CFAP299: variants seen among roughly 807,000 people sequenced by gnomAD.
The protein encoded by CFAP299 is cilia and flagella associated protein 299, also known as cilia- and flagella-associated protein 299.
A neutral mutation model predicts 27.0 loss-of-function variants in CFAP299; 21 were observed. The observed-to-expected ratio is 0.78, with a 90% confidence interval of 0.55 to 1.12. The LOEUF is 1.12. CFAP299 is among the 50% of genes most tolerant of loss of function. The pLI is 0.00. For synonymous variants in CFAP299, 104 were observed against 98.1 expected, an observed-to-expected ratio of 1.06 and a Z score of -0.36; for missense variants, 310 against 276.6, an observed-to-expected ratio of 1.12 and a Z score of -0.86.
At chr4:80,375,756 C>G (rs141112564) in intron 2 of CFAP299, among the ~76,000 whole-genome samples, 94 of 152,280 alleles carry the variant, frequency 6.2e-4, no homozygotes, top group African/African-American at 2.2e-3. Context: ...GCTAGAGGGG[C>G]GCCACATTTG....
At chr4:80,620,415 C>A (rs1738523521) in intron 3 of CFAP299, among the ~76,000 whole-genome samples, 1 of 152,142 alleles carries the variant, frequency 6.6e-6, no homozygotes, top group African/African-American at 2.4e-5. Context: ...CCAGACATGG[C>A]ATAGTGATGA....
intron 2 of CFAP299, among the ~76,000 whole-genome samples, chr4:80,374,517 C>T (rs1011957885): frequency 1.3e-5 from 2 of 152,100 alleles, no homozygotes; most frequent in African/African-American, 4.8e-5. Flanking sequence ...TGGGCTACTT[C>T]TTCAGGCTCA....
At chr4:80,600,836 G>C (rs1025467522) in intron 3 of CFAP299, among the ~76,000 whole-genome samples, 4 of 152,114 alleles carry the variant, frequency 2.6e-5, no homozygotes, top group Non-Finnish European at 4.4e-5. Flanking sequence ...TAAATTCATA[G>C]TTGAATTCTG....
At chr4:80,588,908 T>C (rs1736581903) in intron 3 of CFAP299, among the ~76,000 whole-genome samples, 1 of 152,160 alleles carries the variant, frequency 6.6e-6, no homozygotes, top group African/African-American at 2.4e-5. Context: ...GATGAGAATT[T>C]TGAGGCACGA....
chr4:80,641,324 C>G (rs1739716140), intron 3 of CFAP299, among the ~76,000 whole-genome samples: 1 of 152,258 alleles, frequency 6.6e-6, no homozygotes, highest in South Asian at 2.1e-4. Context: ...CCTGACTCAG[C>G]CTCCCAAGTA....
chr4:80,752,862 A>G (rs549692075), intron 3 of CFAP299, among the ~76,000 whole-genome samples: 4 of 152,118 alleles, frequency 2.6e-5, no homozygotes, highest in African/African-American at 4.8e-5. Context: ...GCCTATTTTT[A>G]AATAATATGC....
At chr4:80,796,439 G>C (rs190925601) in intron 3 of CFAP299, among the ~76,000 whole-genome samples, 6 of 152,296 alleles carry the variant, frequency 3.9e-5, no homozygotes, top group Admixed American at 3.3e-4. Flanking sequence ...AGTGAAAAGT[G>C]ATCACGCTCT....
chr4:80,496,516 G>T (rs566871768), intron 2 of CFAP299, among the ~76,000 whole-genome samples: 1 of 152,288 alleles, frequency 6.6e-6, no homozygotes, highest in South Asian at 2.1e-4. Flanking sequence ...ATCACTATCA[G>T]CATTTTGGTC....
chr4:80,328,268 G>T, the CFAP299 span, among the ~76,000 whole-genome samples: 2 of 152,098 alleles, frequency 1.3e-5, no homozygotes, highest in Non-Finnish European at 2.9e-5. Flanking sequence ...TTGTTTTAAA[G>T]ACATGAGATT....
chr4:80,743,418 A>G (rs989826436), intron 3 of CFAP299, among the ~76,000 whole-genome samples: 1 of 152,180 alleles, frequency 6.6e-6, no homozygotes, highest in African/African-American at 2.4e-5. Flanking sequence ...ATTTGTGGTT[A>G]GCTTTTGACA....
At chr4:80,746,941 T>C (rs555822079) in intron 3 of CFAP299, among the ~76,000 whole-genome samples, 9 of 152,032 alleles carry the variant, frequency 5.9e-5, no homozygotes, top group African/African-American at 1.7e-4. Flanking sequence ...CTAGATAAGA[T>C]TGGGAAATCA....
intron 4 of CFAP299, among the ~76,000 whole-genome samples, chr4:80,929,229 T>G (rs894248212): frequency 1.3e-5 from 2 of 151,922 alleles, no homozygotes; most frequent in East Asian, 1.9e-4. Context: ...CCAGTCTCTA[T>G]AGCACCACTA....
chr4:80,740,207 G>C (rs187145577), intron 3 of CFAP299, among the ~76,000 whole-genome samples: 1 of 152,088 alleles, frequency 6.6e-6, no homozygotes, highest in Non-Finnish European at 1.5e-5. Flanking sequence ...GTATGGTGTT[G>C]ACACTTGTAA....
chr4:80,395,938 T>G (rs1002459437), intron 2 of CFAP299, among the ~76,000 whole-genome samples: 1 of 152,128 alleles, frequency 6.6e-6, no homozygotes, highest in African/African-American at 2.4e-5. Context: ...AAAAAAAGGT[T>G]TATTTTCTGC....
intron 3 of CFAP299, among the ~76,000 whole-genome samples, chr4:80,657,193 T>C (rs72864806): frequency 0.076 from 11,565 of 152,218 alleles, 647 homozygotes; most frequent in East Asian, 0.23. Context: ...TTCACGCTGA[T>C]GATAGTTTCT....
chr4:80,938,941 T>C (rs1737058323), intron 4 of CFAP299, among the ~76,000 whole-genome samples: 2 of 152,182 alleles, frequency 1.3e-5, no homozygotes, highest in South Asian at 4.1e-4. Context: ...CAGGTTTTTG[T>C]TGTTGTTGTT....
chr4:80,610,090 A>G (rs980534409), intron 3 of CFAP299, among the ~76,000 whole-genome samples: 6 of 151,748 alleles, frequency 4.0e-5, no homozygotes, highest in African/African-American at 1.5e-4. Flanking sequence ...TTTTATTTTT[A>G]TGCTTTATAA....
chr4:80,630,037 C>T lies in CFAP299; in HGVS notation c.333+46854C>T, dbSNP rs191138505. On this transcript the variant is annotated intron_variant, in intron 3 of 5. Transcript: ENST00000358105. ...AATGAAAATAGTTTAAGAGAAAATT[C>T]GTGAACTGATCATAGGACTGAGAAT... Among the ~76,000 whole-genome samples, 6 of 151,888 alleles carry T rather than the reference C, an allele frequency of 4.0e-5. No homozygotes were observed. The East Asian group carries it at 5.8e-4, about 15-fold the overall frequency.
chr4:80,782,599 A>T (rs1158523858), intron 3 of CFAP299, among the ~76,000 whole-genome samples: 2 of 129,092 alleles, frequency 1.5e-5, no homozygotes, highest in South Asian at 2.3e-4. Context: ...ATTCATATAT[A>T]ATATACATAT....
Sources: allele counts gnomAD v4.1 joint callset (sites outside exome capture counted in the v4.1 genomes callset), GRCh38; gene constraint gnomAD v4.1.1; transcripts MANE v1.5; gene names NCBI Gene and HGNC (gene_info 2026-07-23, HGNC 2026-07-21).